Variants in APOBEC3G observed in about 807,000 individuals in gnomAD.
APOBEC3G encodes apolipoprotein B mRNA editing enzyme catalytic subunit 3G.
A neutral mutation model predicts 50.0 loss-of-function variants in APOBEC3G; 44 were observed. That is an observed-to-expected ratio of 0.88 (90% CI 0.69 to 1.13). The LOEUF (loss-of-function observed/expected upper bound fraction) is 1.13. Among genes scored for constraint, APOBEC3G ranks in the 50% most tolerant of loss-of-function variants. The probability of loss-of-function intolerance (pLI) is 0.00; values close to 1 mark genes in which losing one functional copy is unlikely to be tolerated. For missense variants in APOBEC3G, 469 were observed against 492.0 expected, an observed-to-expected ratio of 0.95 and a Z score of 0.44; for synonymous variants, 156 against 175.3, an observed-to-expected ratio of 0.89 and a Z score of 0.87.
At chr22:39,084,220 A>C (rs1248467874) in intron 5 of APOBEC3G, among the ~76,000 whole-genome samples, 1 of 152,164 alleles carries the variant, frequency 6.6e-6, no homozygotes, top group Non-Finnish European at 1.5e-5. Flanking sequence ...CACCAGGGCC[A>C]AGTGGGATCA....
At chr22:39,077,495 C>T in intron 1 of APOBEC3G, 117 bp downstream of exon 1, 1 of 1,521,994 alleles carries the variant, frequency 6.6e-7, no homozygotes, top group Non-Finnish European at 8.9e-7. Context: ...GCTCCCTCCC[C>T]TCTGACTCCC....
Position 39,086,474 on chromosome 22 carries a change from A to G in APOBEC3G, c.931A>G (p.Thr311Ala), listed in dbSNP as rs1173415530. Reference sequence around the variant, plus strand: ...CAAACACGTGAGCCTGTGCATCTTCACTGCCCGCATCTATGATGATCAAGG... The same window carrying G: ...CAAACACGTGAGCCTGTGCATCTTCGCTGCCCGCATCTATGATGATCAAGG... ...KNKHVSLCIF[T>A]ARIYDDQGRC... is the part of the protein sequence containing the mutation. The change falls in exon 6 of 8, where the codon ACT (threonine) becomes GCT (alanine). Residue 311 changes from threonine to alanine, a missense_variant. Transcript: ENST00000407997. The G allele has an allele frequency of 1.9e-6, 3 of 1,614,158 alleles. No individual in the cohort carries two copies. The highest frequency in any genetic ancestry group is 1.7e-5 in the Admixed American group (1 of 60,004).
chr22:39,078,752 G>A (rs1246374060), intron 1 of APOBEC3G, 180 bp from the exon 2 acceptor site: 21 of 725,562 alleles, frequency 2.9e-5, no homozygotes, highest in East Asian at 9.2e-5. Context: ...CGCTCTTGTC[G>A]CCCAGGCTGG....
In APOBEC3G at chr22:39,081,010, C is replaced by G; in HGVS notation, c.249C>G (p.Asp83Glu). 6.2e-7 allele frequency: 1 copy of G among 1,614,120 alleles called. No individual in the cohort carries two copies. Among genetic ancestry groups the G allele is most frequent in the East Asian group, 2.2e-5 (1 of 44,878 alleles). The change falls in exon 3 of 8, where the codon GAC (aspartate) becomes GAG (glutamate). Residue 83 changes from aspartate (D) to glutamate (E), a missense_variant. Asp to Glu is a conservative substitution (Grantham distance 45). Transcript: ENST00000407997. ...WFSKWRKLHR[D>E]QEYEVTWYIS... ...GCAAGTGGAGGAAGCTGCATCGTGACCAGGAGTATGAGGTCACCTGGTACA... is the reference window on the plus strand; with the variant it reads ...GCAAGTGGAGGAAGCTGCATCGTGAGCAGGAGTATGAGGTCACCTGGTACA...
intron 1 of APOBEC3G, 46 bp downstream of exon 1, chr22:39,077,424 T>A (rs922662455): frequency 1.3e-6 from 2 of 1,568,744 alleles, no homozygotes; most frequent in East Asian, 4.7e-5. Flanking sequence ...CTGCCCCTTC[T>A]TGCCTGGTGG....
rs1928756704 is a variant in APOBEC3G, at chr22:39,087,611, T to G, written c.*190T>G. On this transcript the variant is annotated 3_prime_UTR_variant, in exon 8 of 8. Transcript: ENST00000407997. The stretch of plus-strand genomic sequence containing the variant: ...GAGTGCATTACTTTGAATCAAAAAT[T>G]TATTTATATTTCAAGAATAAAGTAC... 3.5e-6 allele frequency: 4 copies of G among 1,141,440 alleles called. No homozygotes were observed. Among genetic ancestry groups the G allele is most frequent in the African/African-American group, 1.6e-5 (1 of 63,512 alleles). The allele number at this position is 1,141,440 out of a possible 1,614,324, so 70.7% of individuals were successfully genotyped here. A position where few individuals can be genotyped will look rare whatever the true frequency, so the allele number is the denominator to read the frequency against.
chr22:39,077,929 C>T (rs761154370), intron 1 of APOBEC3G, among the ~76,000 whole-genome samples: 1 of 152,206 alleles, frequency 6.6e-6, no homozygotes, highest in African/African-American at 2.4e-5. Context: ...TCCTCCTCCA[C>T]TATCAGCATT....
In APOBEC3G at chr22:39,081,517, A is replaced by T; in HGVS notation, c.513A>T (p.Leu171=). 1 of 1,614,204 alleles carries T rather than the reference A, an allele frequency of 6.2e-7. No individual in the cohort carries two copies. Among genetic ancestry groups the T allele is most frequent in the Non-Finnish European group, 8.5e-7 (1 of 1,180,020 alleles). ...WSKFVYSQRE[L]FEPWNNLPKY... is the part of the protein sequence containing the mutation. Reference sequence around the variant, plus strand: ...AGTTCGTGTACAGCCAAAGAGAGCTATTTGAGCCTTGGAATAATCTGCCTA... The same window carrying T: ...AGTTCGTGTACAGCCAAAGAGAGCTTTTTGAGCCTTGGAATAATCTGCCTA... The change falls in exon 4 of 8, where the codon CTA becomes CTT. Residue 171 remains leucine, a synonymous_variant. Coordinates refer to ENST00000407997, the MANE Select transcript of APOBEC3G (RefSeq NM_021822.4).
At position 39,086,421 on chromosome 22, in the gene APOBEC3G, A is replaced by G. The variant is rs778235663; in HGVS notation, c.878A>G (p.Gln293Arg). The G allele has an allele frequency of 1.2e-6, 2 of 1,614,086 alleles. No homozygotes were observed. The highest frequency in any genetic ancestry group is 8.5e-7 in the Non-Finnish European group (1 of 1,180,040). The change falls in exon 6 of 8, where the codon CAG becomes CGG. Residue 293 changes from glutamine to arginine, a missense_variant. Physicochemically the swap from Gln to Arg is conservative, Grantham distance 43. Transcript: ENST00000407997. Reference sequence around the variant, plus strand: ...TGGAGCCCCTGCTTCAGCTGTGCCCAGGAAATGGCTAAATTCATTTCAAAA... The same window carrying G: ...TGGAGCCCCTGCTTCAGCTGTGCCCGGGAAATGGCTAAATTCATTTCAAAA... ...TSWSPCFSCAQEMAKFISKNK... is the reference protein window; with the variant it reads ...TSWSPCFSCAREMAKFISKNK...
chr22:39,077,817 G>A (rs957446455), intron 1 of APOBEC3G, among the ~76,000 whole-genome samples: 1 of 152,176 alleles, frequency 6.6e-6, no homozygotes, highest in African/African-American at 2.4e-5. Flanking sequence ...CTTAGGAGAG[G>A]GTGTGGGGAG....
chr22:39,087,049 G>T lies in APOBEC3G; in HGVS notation c.1063G>T (p.Gly355Ter), dbSNP rs752227439. The T allele has an allele frequency of 1.2e-6, 2 of 1,613,228 alleles. No homozygotes were observed. Among genetic ancestry groups the T allele is most frequent in the Non-Finnish European group, 1.7e-6 (2 of 1,179,758 alleles). The change falls in exon 7 of 8, where the codon GGA becomes TGA. Residue 355 changes from glycine to a stop codon, truncating the protein, a stop_gained. Coordinates refer to ENST00000407997, the MANE Select transcript of APOBEC3G (RefSeq NM_021822.4). LOFTEE classifies it high-confidence loss of function. ...HCWDTFVDHQ[G>*]CPFQPWDGLD... ...CTGGGACACCTTTGTGGACCACCAG[G>T]GATGTCCCTTCCAGCCCTGGGATGG...
At position 39,084,328 on chromosome 22, in the gene APOBEC3G, C is replaced by A. The variant is rs546083925; in HGVS notation, c.735+444C>A. ...CGATCACAAGGTCAGGAGATCAAGA[C>A]CATCCTGGCTAACACGGTGAAACCC... On this transcript the variant is annotated intron_variant, in intron 5 of 7. Coordinates refer to ENST00000407997, the MANE Select transcript of APOBEC3G (RefSeq NM_021822.4). Among the ~76,000 whole-genome samples, 557 of 152,264 alleles carry A rather than the reference C, an allele frequency of 3.7e-3. 3 individuals are homozygous for A. The highest frequency in any genetic ancestry group is 0.013 in the African/African-American group (537 of 41,538).
chr22:39,086,456 G>A lies in APOBEC3G; in HGVS notation c.913G>A (p.Val305Met), dbSNP rs183180481. 3.3e-5 allele frequency: 54 copies of A among 1,614,142 alleles called. No homozygotes were observed. The East Asian group carries it at 3.8e-4, about 11-fold the overall frequency. Reference protein sequence around the residue: ...MAKFISKNKHVSLCIFTARIY... With the variant: ...MAKFISKNKHMSLCIFTARIY... ...TAAATTCATTTCAAAAAACAAACACGTGAGCCTGTGCATCTTCACTGCCCG... is the reference window on the plus strand; with the variant it reads ...TAAATTCATTTCAAAAAACAAACACATGAGCCTGTGCATCTTCACTGCCCG... Residue 305 changes from valine to methionine, a missense_variant, in exon 6 of 8, where the codon GTG becomes ATG. Val to Met is a conservative substitution (Grantham distance 21). Coordinates refer to ENST00000407997, the MANE Select transcript of APOBEC3G (RefSeq NM_021822.4).
rs1216933999 is a variant in APOBEC3G, at chr22:39,078,689, G to C, written c.18-243G>C. 4.0e-6 allele frequency: 2 copies of C among 498,214 alleles called. 1 individual carries two copies. Among genetic ancestry groups the C allele is most frequent in the Admixed American group, 7.3e-5 (2 of 27,506 alleles). 30.9% of individuals were successfully genotyped at this position (498,214 alleles called of 1,614,324 possible). The stretch of plus-strand genomic sequence containing the variant: ...TGAAAGGTTAAAAGCTGTTATTTTG[G>C]GGTGAAGAGTTTTATTCTGTCTCTC... On this transcript the variant is annotated intron_variant, in intron 1 of 7. Coordinates refer to ENST00000407997, the MANE Select transcript of APOBEC3G (RefSeq NM_021822.4).
At chr22:39,081,746 C>T (rs1055534964) in intron 4 of APOBEC3G, 161 bp downstream of exon 4, 5 of 600,244 alleles carry the variant, frequency 8.3e-6, no homozygotes, top group African/African-American at 7.5e-5. Context: ...CTCACCCACA[C>T]TCCTCGTGCT....
At chr22:39,084,692 A>G (rs2011869) in intron 5 of APOBEC3G, among the ~76,000 whole-genome samples, 101,736 of 152,136 alleles carry the variant, frequency 0.67, 34,212 homozygotes, top group East Asian at 0.75. Context: ...CCTGCGGGAA[A>G]AGAGACTGAG....
intron 5 of APOBEC3G, among the ~76,000 whole-genome samples, chr22:39,084,698 C>T (rs1928620467): frequency 6.6e-6 from 1 of 152,186 alleles, no homozygotes; most frequent in Non-Finnish European, 1.5e-5. Context: ...GGAAAAGAGA[C>T]TGAGGCAGGA....
At chr22:39,080,754 A>C (rs554570215) in intron 2 of APOBEC3G, 179 bp from the exon 3 acceptor site, 1 of 633,308 alleles carries the variant, frequency 1.6e-6, no homozygotes, top group African/African-American at 1.8e-5. Context: ...CATAGCAATT[A>C]ATACTGAACA....
At chr22:39,083,322 A>C in intron 4 of APOBEC3G, 1 of 156,954 alleles carries the variant, frequency 6.4e-6, no homozygotes, top group Non-Finnish European at 1.4e-5. Flanking sequence ...GGGTGTGGCA[A>C]GAGTTAACCC....
Sources: gnomAD v4.1 joint callset for allele counts (sites outside exome capture counted in the v4.1 genomes callset) on GRCh38, gnomAD v4.1.1 for gene constraint, MANE v1.5 for transcripts, NCBI Gene and HGNC (gene_info 2026-07-23, HGNC 2026-07-21) for gene names.